The following FMN1 variants were observed in gnomAD, a reference collection of about 807,000 sequenced individuals.
The protein encoded by FMN1 is formin-1.
Under a neutral mutation model 132.4 loss-of-function variants are expected in FMN1, and 110 were observed. That is an observed-to-expected ratio of 0.83 (90% CI 0.71 to 0.97). The LOEUF (loss-of-function observed/expected upper bound fraction) is 0.97, where lower values mean the gene tolerates loss of function less well. FMN1 is among the 50% of genes least tolerant of loss of function. The pLI, the probability that FMN1 is intolerant of heterozygous loss-of-function variation, is 0.00. For synonymous variants in FMN1, 722 were observed against 651.7 expected, an observed-to-expected ratio of 1.11 and a Z score of -1.64; for missense variants, 1,792 against 1,705.3, an observed-to-expected ratio of 1.05 and a Z score of -0.90.
intron 9 of FMN1, among the ~76,000 whole-genome samples, chr15:32,949,799 C>T (rs1290126115): frequency 6.6e-6 from 1 of 150,724 alleles, no homozygotes; most frequent in East Asian, 2.0e-4. Flanking sequence ...ACTTTGCAAA[C>T]TATGCATTTG....
chr15:32,829,284 C>T (rs146509413), intron 17 of FMN1, among the ~76,000 whole-genome samples: 124 of 152,334 alleles, frequency 8.1e-4, no homozygotes, highest in African/African-American at 2.9e-3. Flanking sequence ...ATTATTCCTA[C>T]TAAGTTAAAA....
chr15:32,942,597 C>G (rs533705323), intron 9 of FMN1, among the ~76,000 whole-genome samples: 7 of 152,130 alleles, frequency 4.6e-5, no homozygotes, highest in Middle Eastern at 3.4e-3. Flanking sequence ...CCTTCCCTGT[C>G]TGAAAGGAAG....
At chr15:32,918,860 C>A (rs938427960) in intron 10 of FMN1, among the ~76,000 whole-genome samples, 1 of 152,036 alleles carries the variant, frequency 6.6e-6, no homozygotes, top group East Asian at 1.9e-4. Flanking sequence ...CTCAGCTCTG[C>A]GAGTGAAGGA....
intron 17 of FMN1, among the ~76,000 whole-genome samples, chr15:32,828,750 T>C (rs2058432814): frequency 6.6e-6 from 1 of 152,178 alleles, no homozygotes; most frequent in East Asian, 1.9e-4. Flanking sequence ...CTTAACCAAA[T>C]CATATTTTTT....
intron 9 of FMN1, among the ~76,000 whole-genome samples, chr15:32,941,942 C>T (rs1164073729): frequency 6.6e-6 from 1 of 152,172 alleles, no homozygotes; most frequent in Non-Finnish European, 1.5e-5. Flanking sequence ...CAGCACATGG[C>T]TTTCTCCTAG....
intron 9 of FMN1, among the ~76,000 whole-genome samples, chr15:32,932,676 C>T (rs2061150666): frequency 6.6e-6 from 1 of 152,126 alleles, no homozygotes. Flanking sequence ...AATCTCCTTA[C>T]TTGTTACAGG....
chr15:32,894,145 A>G (rs1241227110), intron 15 of FMN1, among the ~76,000 whole-genome samples: 1 of 152,118 alleles, frequency 6.6e-6, no homozygotes, highest in Non-Finnish European at 1.5e-5. Context: ...TTAACATTAT[A>G]TCCAGTTCAG....
chr15:32,817,247 T>C (rs1291127658), intron 17 of FMN1, among the ~76,000 whole-genome samples: 3 of 152,216 alleles, frequency 2.0e-5, no homozygotes, highest in Non-Finnish European at 2.9e-5. Context: ...AATCATGAAA[T>C]AGCCATTGCT....
At chr15:32,944,216 A>G (rs2061457134) in intron 9 of FMN1, among the ~76,000 whole-genome samples, 1 of 152,206 alleles carries the variant, frequency 6.6e-6, no homozygotes, top group African/African-American at 2.4e-5. Flanking sequence ...CAGGAGTACA[A>G]TGCTGATTCA....
At chr15:32,788,355 A>C (rs2056950375) in intron 19 of FMN1, among the ~76,000 whole-genome samples, 1 of 152,196 alleles carries the variant, frequency 6.6e-6, no homozygotes, top group African/African-American at 2.4e-5. Context: ...AAATTTGCAA[A>C]TTTAATTGAA....
At chr15:33,150,489 C>T in intron 4 of FMN1, 2 of 985,410 alleles carry the variant, frequency 2.0e-6, no homozygotes, top group Non-Finnish European at 2.4e-6. Context: ...ATGCATCATC[C>T]TTGAAATGAG....
intron 16 of FMN1, among the ~76,000 whole-genome samples, chr15:32,879,113 T>C (rs900616314): frequency 6.6e-6 from 1 of 152,248 alleles, no homozygotes; most frequent in African/African-American, 2.4e-5. Flanking sequence ...ATTAATTGAA[T>C]GCTTTGCATC....
chr15:32,912,363 A>G (rs2060583020), intron 10 of FMN1, among the ~76,000 whole-genome samples: 2 of 152,206 alleles, frequency 1.3e-5, no homozygotes, highest in South Asian at 4.1e-4. Context: ...GGCTCTGAAG[A>G]CATGGATTCA....
intron 6 of FMN1, among the ~76,000 whole-genome samples, chr15:33,033,770 TC>T (rs1409610709): frequency 6.6e-6 from 1 of 152,124 alleles, no homozygotes; most frequent in African/African-American, 2.4e-5. Context: ...TAAACTTTTA[TC>T]CCGACACCTC....
At chr15:33,142,996 C>A (rs1469106406) in intron 4 of FMN1, among the ~76,000 whole-genome samples, 8 of 152,176 alleles carry the variant, frequency 5.3e-5, no homozygotes, top group Non-Finnish European at 1.0e-4. Flanking sequence ...CACTTGACTG[C>A]CCCTCAGTAA....
At chr15:33,097,129 A>G (rs1323786402) in intron 4 of FMN1, among the ~76,000 whole-genome samples, 1 of 151,990 alleles carries the variant, frequency 6.6e-6, no homozygotes, top group African/African-American at 2.4e-5. Flanking sequence ...CCCCATCTCT[A>G]CTAAAAAAAA....
At chr15:33,117,068 C>A (rs1158346642) in intron 4 of FMN1, among the ~76,000 whole-genome samples, 2 of 152,042 alleles carry the variant, frequency 1.3e-5, no homozygotes, top group East Asian at 3.9e-4. Flanking sequence ...TGAGAAATAT[C>A]CTATTTGAAA....
intron 4 of FMN1, among the ~76,000 whole-genome samples, chr15:33,132,249 T>C (rs369334969): frequency 9.9e-5 from 15 of 152,164 alleles, no homozygotes; most frequent in African/African-American, 3.6e-4. Flanking sequence ...AGCAGCTGAA[T>C]ATTTTCAATA....
intron 17 of FMN1, among the ~76,000 whole-genome samples, chr15:32,811,381 T>A (rs2057871197): frequency 1.3e-5 from 2 of 152,148 alleles, no homozygotes; most frequent in African/African-American, 4.8e-5. Flanking sequence ...TGAGGTTGTA[T>A]AAAGACATGC....
Sources: gnomAD v4.1 joint callset for allele counts (sites outside exome capture counted in the v4.1 genomes callset) on GRCh38, gnomAD v4.1.1 for gene constraint, MANE v1.5 for transcripts, NCBI Gene and HGNC (gene_info 2026-07-23, HGNC 2026-07-21) for gene names.